The following PCDHA9 variants were observed in gnomAD, a reference collection of about 807,000 sequenced individuals.
The protein encoded by PCDHA9 is protocadherin alpha-9.
In PCDHA9, 62 loss-of-function variants were observed where a neutral mutation model predicts 62.0. The ratio of observed to expected loss-of-function variants is 1.00; its 90% CI spans 0.81 to 1.23. The LOEUF is 1.23. Ranked by LOEUF, PCDHA9 falls within the 50% of genes most tolerant of loss-of-function variation. The pLI, the probability that PCDHA9 is intolerant of heterozygous loss-of-function variation, is 0.00. For synonymous variants in PCDHA9, 557 were observed against 567.6 expected (o/e 0.98, Z 0.27); for missense variants, 1,205 against 1,249.8 (o/e 0.96, Z 0.54).
At chr5:140,985,104 AT>A (rs2097137151) in intron 3 of PCDHA9, among the ~76,000 whole-genome samples, 1 of 151,914 alleles carries the variant, frequency 6.6e-6, no homozygotes, top group African/African-American at 2.4e-5. Context: ...AGCCTGGCTA[AT>A]TTTTTGTGTT....
intron 3 of PCDHA9, among the ~76,000 whole-genome samples, chr5:140,983,788 C>T (rs1319880543): frequency 6.6e-6 from 1 of 152,144 alleles, no homozygotes; most frequent in Non-Finnish European, 1.5e-5. Context: ...TAACAGATGA[C>T]AGAATGTGTG....
intron 2 of PCDHA9, among the ~76,000 whole-genome samples, chr5:140,979,729 C>CA: frequency 6.6e-6 from 1 of 152,232 alleles, no homozygotes; most frequent in African/African-American, 2.4e-5. Flanking sequence ...GCCATGGGGC[C>CA]AAATAAAAGA....
chr5:140,848,618 C>T lies in PCDHA9; in HGVS notation c.123C>T (p.His41=), dbSNP rs138258410. ...ACTCCGTCCCGGAGGAAGCCGAACA[C>T]GGCACCTTCGTGGGCCGCATCGCGC... is the stretch of plus-strand genomic sequence containing the variant. The part of the protein sequence containing the change: ...LHYSVPEEAE[H]GTFVGRIAQD... Residue 41 remains histidine, a synonymous_variant, in exon 1 of 4, where the codon CAC becomes CAT. Transcript: ENST00000532602. The T allele has an allele frequency of 2.5e-3, 4,005 of 1,588,154 alleles. 452 individuals carry two copies. Among genetic ancestry groups the T allele is most frequent in the Middle Eastern group, 9.3e-3 (53 of 5,704 alleles).
Position 140,850,483 on chromosome 5 carries a change from C to A in PCDHA9, c.1988C>A (p.Ala663Asp). The A allele has an allele frequency of 1.3e-6, 2 of 1,598,100 alleles. No homozygotes were observed. The highest frequency in any genetic ancestry group is 4.5e-5 in the East Asian group (2 of 44,830). The change falls in exon 1 of 4, where the codon GCC becomes GAC. Residue 663 changes from alanine to aspartate, a missense_variant. Ala to Asp is a moderately radical substitution (Grantham distance 126, BLOSUM62 -2). Coordinates refer to ENST00000532602, the MANE Select transcript of PCDHA9 (RefSeq NM_031857.2). ...DHGEPALTAT[A>D]TVLVSLVESG... ...GGGGAGCCAGCGCTGACGGCCACGG[C>A]CACTGTGCTGGTGTCGCTGGTGGAG... is the stretch of plus-strand genomic sequence containing the variant.
At chr5:140,975,963 A>G (rs2096691903) in intron 1 of PCDHA9, among the ~76,000 whole-genome samples, 1 of 152,186 alleles carries the variant, frequency 6.6e-6, no homozygotes, top group Non-Finnish European at 1.5e-5. Flanking sequence ...TTCTTCACCA[A>G]TAGAAAGTAA....
At chr5:140,857,375 G>A (rs1554149916) in intron 1 of PCDHA9, 2 of 1,598,360 alleles carry the variant, frequency 1.3e-6, no homozygotes, top group Non-Finnish European at 1.7e-6. Context: ...CGTGTCTGTG[G>A]AGGTGGCCGA....
intron 1 of PCDHA9, chr5:140,871,166 C>G: frequency 1.2e-6 from 2 of 1,613,486 alleles, no homozygotes; most frequent in Non-Finnish European, 1.7e-6. Flanking sequence ...GCCGCGAGCC[C>G]AGAGGCTGCG....
chr5:140,869,332 G>A, intron 1 of PCDHA9: 3 of 1,613,960 alleles, frequency 1.9e-6, no homozygotes, highest in Middle Eastern at 1.7e-4. Flanking sequence ...CCTTCTGGAG[G>A]TAAATCTGCA....
intron 1 of PCDHA9, chr5:140,968,321 A>G: frequency 6.2e-7 from 1 of 1,613,834 alleles, no homozygotes; most frequent in Non-Finnish European, 8.5e-7. Flanking sequence ...GCTGCCAGTC[A>G]CCTCCTATGT....
intron 1 of PCDHA9, chr5:140,851,096 T>A (rs2041958887): frequency 7.7e-7 from 1 of 1,292,466 alleles, no homozygotes; most frequent in Non-Finnish European, 1.0e-6. Context: ...AAATAGATAT[T>A]TTTTGGGTGC....
chr5:140,910,546 A>G (rs2075078968), intron 1 of PCDHA9, among the ~76,000 whole-genome samples: 1 of 152,198 alleles, frequency 6.6e-6, no homozygotes, highest in Non-Finnish European at 1.5e-5. Context: ...CTATTTTGCA[A>G]AGTATTAGTC....
At chr5:140,958,652 G>A (rs991773774) in intron 1 of PCDHA9, among the ~76,000 whole-genome samples, 15 of 152,030 alleles carry the variant, frequency 9.9e-5, no homozygotes, top group Admixed American at 2.6e-4. Flanking sequence ...ATCACAGAAA[G>A]CTATGATGAA....
At chr5:140,966,246 G>T (rs184430396) in intron 1 of PCDHA9, 5 of 319,412 alleles carry the variant, frequency 1.6e-5, no homozygotes, top group African/African-American at 6.4e-5. Flanking sequence ...TTAAGCAGGG[G>T]AGAGACGGTG....
At chr5:140,883,080 A>T in intron 1 of PCDHA9, 1 of 1,614,140 alleles carries the variant, frequency 6.2e-7, no homozygotes, top group Non-Finnish European at 8.5e-7. Flanking sequence ...GATCCTGATG[A>T]TGGTACAAAT....
At position 141,010,536 on chromosome 5, in the gene PCDHA9, T is replaced by A; in HGVS notation, c.*599T>A. On this transcript the variant is annotated 3_prime_UTR_variant, in exon 4 of 4. Transcript: ENST00000532602. ...AACTCAAGAGGTGGCAGCCACCCTC[T>A]AGGAGACAAAACTACCCCCACTGAC... 1 of 381,624 alleles carries A rather than the reference T, an allele frequency of 2.6e-6. No homozygotes were observed. The highest frequency in any genetic ancestry group is 4.6e-6 in the Non-Finnish European group (1 of 218,036). 23.6% of individuals were successfully genotyped at this position (381,624 alleles called of 1,614,324 possible).
intron 3 of PCDHA9, among the ~76,000 whole-genome samples, chr5:141,006,952 A>G (rs2098296225): frequency 1.3e-5 from 2 of 152,212 alleles, no homozygotes; most frequent in South Asian, 4.1e-4. Flanking sequence ...ATAGGCAGTT[A>G]TACATGAGAT....
intron 3 of PCDHA9, among the ~76,000 whole-genome samples, chr5:140,995,791 T>C (rs547359105): frequency 1.3e-5 from 2 of 152,266 alleles, no homozygotes; most frequent in South Asian, 4.1e-4. Context: ...TTAAAATTTG[T>C]CTCATGTTAG....
Position 140,875,636 on chromosome 5 carries a change from A to T in PCDHA9, c.2394+24747A>T, listed in dbSNP as rs574545388. On this transcript the variant is annotated intron_variant, in intron 1 of 3. Coordinates refer to ENST00000532602, the MANE Select transcript of PCDHA9 (RefSeq NM_031857.2). The stretch of plus-strand genomic sequence containing the variant: ...CGCATCGCTCAGGACCTGGGGCTGG[A>T]GCTGGCGGAGCTGGTGCCGCGCCTG... 6 of 1,613,488 alleles carry T rather than the reference A, an allele frequency of 3.7e-6. No individual in the cohort carries two copies. The Admixed American group carries it at 8.3e-5, about 22-fold the overall frequency.
chr5:140,886,844 A>AG lies in PCDHA9; in HGVS notation c.2394+35955_2394+35956insG, dbSNP rs1203919867. Among the ~76,000 whole-genome samples, 142 of 150,728 alleles carry AG rather than the reference A, an allele frequency of 9.4e-4. 2 individuals are homozygous for AG. Among genetic ancestry groups the AG allele is most frequent in the African/African-American group, 2.8e-3 (117 of 41,122 alleles). ...TTCGTCTTGAAAAAAAAAAAAAAAAAAAAGAAAGGTCTTCCCAACTCCTAT... is the reference window on the plus strand; with the variant it reads ...TTCGTCTTGAAAAAAAAAAAAAAAAAGAAAGAAAGGTCTTCCCAACTCCTAT... On this transcript the variant is annotated intron_variant, in intron 1 of 3. Coordinates refer to ENST00000532602, the MANE Select transcript of PCDHA9 (RefSeq NM_031857.2).
Sources: gnomAD v4.1 joint callset for allele counts (sites outside exome capture counted in the v4.1 genomes callset) on GRCh38, gnomAD v4.1.1 for gene constraint, MANE v1.5 for transcripts, NCBI Gene and HGNC (gene_info 2026-07-23, HGNC 2026-07-21) for gene names.